UBXN2A: variants seen among roughly 807,000 people sequenced by gnomAD.
The protein encoded by UBXN2A is UBX domain protein 2A.
In UBXN2A, 28 loss-of-function variants were observed where a neutral mutation model predicts 28.4. That is an observed-to-expected ratio of 0.99 (90% CI 0.73 to 1.35). The LOEUF (loss-of-function observed/expected upper bound fraction) is 1.35, where lower values mean the gene tolerates loss of function less well. Ranked by LOEUF, UBXN2A falls within the 40% of genes most tolerant of loss-of-function variation. The pLI, the probability that UBXN2A is intolerant of heterozygous loss-of-function variation, is 0.00. For synonymous variants in UBXN2A, 97 were observed against 103.6 expected (o/e 0.94, Z 0.39); for missense variants, 253 against 297.9 (o/e 0.85, Z 1.11).
Position 23,976,985 on chromosome 2 carries a change from A to C in UBXN2A, c.197A>C (p.Lys66Thr). 1 of 1,610,932 alleles carries C rather than the reference A, an allele frequency of 6.2e-7. No homozygotes were observed. The highest frequency in any genetic ancestry group is 8.5e-7 in the Non-Finnish European group (1 of 1,177,332). ...GTTTTGCAGGTAGATGTAAATATAA[A>C]ATTATGGAAAAACGGATTCACCGTC... ...EQKKQVDVNI[K>T]LWKNGFTVND... Residue 66 changes from lysine (K) to threonine (T), a missense_variant, in exon 4 of 7, where the codon AAA becomes ACA. Lys to Thr is a moderately conservative substitution (Grantham distance 78, BLOSUM62 -1). Coordinates refer to ENST00000309033, the MANE Select transcript of UBXN2A (RefSeq NM_181713.4).
intron 1 of UBXN2A, among the ~76,000 whole-genome samples, chr2:23,957,826 C>T (rs1003384950): frequency 1.3e-5 from 2 of 152,122 alleles, no homozygotes; most frequent in Admixed American, 6.6e-5. Flanking sequence ...AAGAGCGGTA[C>T]TCCATCTCAA....
intron 3 of UBXN2A, among the ~76,000 whole-genome samples, chr2:23,973,689 C>A (rs908809973): frequency 4.0e-5 from 6 of 150,398 alleles, no homozygotes; most frequent in African/African-American, 1.5e-4. Flanking sequence ...GGCTGGAGTG[C>A]AGTGGCACAA....
chr2:23,947,400 C>A lies in UBXN2A; in HGVS notation c.-15+6752C>A, dbSNP rs568394486. Among the ~76,000 whole-genome samples the A allele has an allele frequency of 1.0e-3, 155 of 152,260 alleles. 2 individuals are homozygous for A. The highest frequency in any genetic ancestry group is 3.7e-3 in the African/African-American group (154 of 41,550). The stretch of plus-strand genomic sequence containing the variant: ...GATGATGGTGATAGTTGGAAGTAGA[C>A]CGAAGAAAAATGAAGGCAGTTCTTT... On this transcript the variant is annotated intron_variant, in intron 1 of 6. Transcript: ENST00000309033.
chr2:23,968,458 C>T (rs1313648793), intron 2 of UBXN2A, among the ~76,000 whole-genome samples: 2 of 152,030 alleles, frequency 1.3e-5, no homozygotes, highest in Non-Finnish European at 2.9e-5. Context: ...AGGCGGATCA[C>T]GAGGTCAGAT....
At chr2:23,980,827 A>C (rs887996116) in intron 4 of UBXN2A, among the ~76,000 whole-genome samples, 9 of 151,996 alleles carry the variant, frequency 5.9e-5, no homozygotes, top group African/African-American at 2.2e-4. Flanking sequence ...GGGTTTTACC[A>C]TGTTCGCCAG....
intron 6 of UBXN2A, among the ~76,000 whole-genome samples, chr2:23,990,820 A>G (rs966045169): frequency 6.6e-6 from 1 of 152,128 alleles, no homozygotes; most frequent in Admixed American, 6.6e-5. Flanking sequence ...ATAAACATGG[A>G]TGAGTCCCAA....
chr2:23,974,845 G>C (rs971309387), intron 3 of UBXN2A, among the ~76,000 whole-genome samples: 2 of 152,080 alleles, frequency 1.3e-5, no homozygotes, highest in African/African-American at 4.8e-5. Context: ...TGAGCTTGGT[G>C]ATGCACGCCT....
In UBXN2A at chr2:23,982,899, A is replaced by G; in HGVS notation, c.291A>G (p.Glu97=). Residue 97 remains glutamate (E), a synonymous_variant, in exon 5 of 7, where the codon GAA becomes GAG. Coordinates refer to ENST00000309033, the MANE Select transcript of UBXN2A (RefSeq NM_181713.4). ...QQFLNSIKKG[E]LPSELQGIFD... ...TTTTCTTTCTTTGTTTTCCAAGGGA[A>G]TTACCTTCAGAATTACAGGGAATTT... 1 of 1,601,054 alleles carries G rather than the reference A, an allele frequency of 6.2e-7. No individual in the cohort carries two copies. The highest frequency in any genetic ancestry group is 8.5e-7 in the Non-Finnish European group (1 of 1,174,450).
At chr2:23,969,668 A>G (rs1263463193) in intron 2 of UBXN2A, among the ~76,000 whole-genome samples, 2 of 152,082 alleles carry the variant, frequency 1.3e-5, no homozygotes, top group African/African-American at 2.4e-5. Context: ...GCCTCTCCAA[A>G]ACATTTTTAA....
At chr2:23,963,058 A>G (rs1573562215) in intron 2 of UBXN2A, among the ~76,000 whole-genome samples, 1 of 152,162 alleles carries the variant, frequency 6.6e-6, no homozygotes, top group East Asian at 1.9e-4. Flanking sequence ...TCTTTTTAAA[A>G]CTATCACGTC....
At chr2:23,932,290 C>A (rs1051637560) in intron 1 of UBXN2A, among the ~76,000 whole-genome samples, 1 of 151,260 alleles carries the variant, frequency 6.6e-6, no homozygotes, top group African/African-American at 2.4e-5. Context: ...TGCACTCTAT[C>A]CTGGGTGACA....
intron 2 of UBXN2A, among the ~76,000 whole-genome samples, chr2:23,966,563 C>T (rs530111618): frequency 1.3e-5 from 2 of 150,406 alleles, no homozygotes; most frequent in African/African-American, 4.9e-5. Flanking sequence ...CGCCATTCTT[C>T]TGCCTCAGCC....
At chr2:23,965,296 A>G (rs1707117461) in intron 2 of UBXN2A, among the ~76,000 whole-genome samples, 1 of 152,122 alleles carries the variant, frequency 6.6e-6, no homozygotes, top group Non-Finnish European at 1.5e-5. Context: ...CTTGTTCCTG[A>G]TCTTAGTGGG....
At chr2:23,962,224 A>G (rs1314983872) in intron 2 of UBXN2A, among the ~76,000 whole-genome samples, 17 of 152,198 alleles carry the variant, frequency 1.1e-4, no homozygotes, top group Admixed American at 4.6e-4. Flanking sequence ...TGTGCTATCT[A>G]AGCGTCCACA....
intron 6 of UBXN2A, among the ~76,000 whole-genome samples, chr2:23,992,376 T>C (rs1708385305): frequency 1.3e-5 from 2 of 152,200 alleles, no homozygotes. Context: ...TGGAGAAGTA[T>C]GATTGGAGGG....
chr2:23,999,963 A>G lies in UBXN2A; in HGVS notation c.*96A>G, dbSNP rs1323419647. The G allele has an allele frequency of 4.3e-5, 56 of 1,301,514 alleles. 1 individual carries two copies. The South Asian group carries it at 7.6e-4, about 18-fold the overall frequency. 80.6% of individuals were successfully genotyped at this position (1,301,514 alleles called of 1,614,324 possible). ...GGATTGGAGAAGTCAGACTCACTAGACTTTTGGTTCGAGTACTATTGAACT... is the reference window on the plus strand; with the variant it reads ...GGATTGGAGAAGTCAGACTCACTAGGCTTTTGGTTCGAGTACTATTGAACT... On this transcript the variant is annotated 3_prime_UTR_variant, in exon 7 of 7. Coordinates refer to ENST00000309033, the MANE Select transcript of UBXN2A (RefSeq NM_181713.4).
intron 4 of UBXN2A, among the ~76,000 whole-genome samples, chr2:23,978,880 T>C (rs1372950339): frequency 6.6e-6 from 1 of 151,446 alleles, no homozygotes. Flanking sequence ...GGAGAATTGC[T>C]TGAACCCAGG....
intron 4 of UBXN2A, among the ~76,000 whole-genome samples, chr2:23,977,684 A>T (rs1707729942): frequency 6.6e-6 from 1 of 152,242 alleles, no homozygotes; most frequent in African/African-American, 2.4e-5. Context: ...TGGAATGAGT[A>T]ATCTTTGTAA....
At chr2:23,970,791 C>T (rs1707380908) in intron 2 of UBXN2A, among the ~76,000 whole-genome samples, 1 of 151,850 alleles carries the variant, frequency 6.6e-6, no homozygotes, top group African/African-American at 2.4e-5. Flanking sequence ...GCATTAGAGT[C>T]TCATAAGGAG....
Sources: allele counts gnomAD v4.1 joint callset (sites outside exome capture counted in the v4.1 genomes callset), GRCh38; gene constraint gnomAD v4.1.1; transcripts MANE v1.5; gene names NCBI Gene and HGNC (gene_info 2026-07-23, HGNC 2026-07-21).